CACNA2D3: variants seen among roughly 807,000 people sequenced by gnomAD.
CACNA2D3 encodes calcium voltage-gated channel auxiliary subunit alpha2delta 3.
Under a neutral mutation model 160.6 loss-of-function variants are expected in CACNA2D3, and 60 were observed. The observed-to-expected ratio is 0.37, with a 90% CI of 0.30 to 0.46. The LOEUF (loss-of-function observed/expected upper bound fraction) is 0.46, where lower values mean the gene tolerates loss of function less well. CACNA2D3 is among the 20% of genes least tolerant of loss of function. The pLI, the probability that CACNA2D3 is intolerant of heterozygous loss-of-function variation, is 1.00. For synonymous variants in CACNA2D3, 558 were observed against 492.9 expected (o/e 1.13, Z -1.75); for missense variants, 1,205 against 1,365.0 (o/e 0.88, Z 1.85).
At chr3:54,614,151 C>T (rs1214067641) in intron 9 of CACNA2D3, among the ~76,000 whole-genome samples, 1 of 152,104 alleles carries the variant, frequency 6.6e-6, no homozygotes, top group Non-Finnish European at 1.5e-5. Context: ...AAAATGTGTA[C>T]CATGAGGAAA....
intron 11 of CACNA2D3, among the ~76,000 whole-genome samples, chr3:54,685,604 A>T (rs1394562580): frequency 1.3e-5 from 2 of 152,214 alleles, no homozygotes; most frequent in Non-Finnish European, 2.9e-5. Context: ...GTTGCTCTTG[A>T]CTAGCAATGT....
At chr3:54,386,047 A>G in intron 3 of CACNA2D3, 1 of 460,060 alleles carries the variant, frequency 2.2e-6, no homozygotes, top group Admixed American at 2.5e-5. Flanking sequence ...TGAAGGCATT[A>G]TGAAATGGGT....
At chr3:54,879,305 C>A in intron 19 of CACNA2D3, 45 bp from the exon 20 acceptor site, 5 of 1,450,966 alleles carry the variant, frequency 3.4e-6, no homozygotes, top group Non-Finnish European at 4.8e-6. Context: ...AGCAGACTAA[C>A]CATGTTTTCT....
At chr3:54,139,715 A>T (rs1331415718) in intron 2 of CACNA2D3, among the ~76,000 whole-genome samples, 1 of 152,226 alleles carries the variant, frequency 6.6e-6, no homozygotes, top group Admixed American at 6.5e-5. Context: ...ACTTAATAAC[A>T]TGCCTGACTA....
intron 19 of CACNA2D3, 57 bp from the exon 20 acceptor site, chr3:54,879,293 T>G (rs1335585862): frequency 3.7e-6 from 5 of 1,336,852 alleles, no homozygotes; most frequent in Non-Finnish European, 5.3e-6. Context: ...AAGACGTCAC[T>G]TAGCAGACTA....
intron 10 of CACNA2D3, chr3:54,637,727 T>C (rs574899921): frequency 6.6e-6 from 1 of 152,178 alleles, no homozygotes; most frequent in South Asian, 2.1e-4. Context: ...GCGGGGCTTC[T>C]GAGGCGATCA....
chr3:54,705,141 A>C (rs1040127561), intron 11 of CACNA2D3, among the ~76,000 whole-genome samples: 3 of 152,206 alleles, frequency 2.0e-5, no homozygotes, highest in African/African-American at 7.2e-5. Context: ...AAATATTTCA[A>C]ATGTACTGAA....
At chr3:54,653,218 C>T (rs779403405) in intron 11 of CACNA2D3, among the ~76,000 whole-genome samples, 7 of 152,172 alleles carry the variant, frequency 4.6e-5, no homozygotes, top group Non-Finnish European at 5.9e-5. Flanking sequence ...CTCATCACAC[C>T]TGATTAAAAA....
intron 2 of CACNA2D3, among the ~76,000 whole-genome samples, chr3:54,309,596 C>T (rs1438626792): frequency 6.6e-6 from 1 of 152,092 alleles, no homozygotes; most frequent in Non-Finnish European, 1.5e-5. Flanking sequence ...TTTAGTCAGG[C>T]ACTCTAAAAC....
intron 3 of CACNA2D3, among the ~76,000 whole-genome samples, chr3:54,368,693 C>CT (rs33976949): frequency 0.15 from 10,424 of 71,312 alleles, 3,291 homozygotes; most frequent in Non-Finnish European, 0.2. Context: ...GGGTAGGGTT[C>CT]TTTTTTTTTT....
chr3:54,415,160 A>G (rs1274203359), intron 4 of CACNA2D3, among the ~76,000 whole-genome samples: 1 of 152,110 alleles, frequency 6.6e-6, no homozygotes, highest in African/African-American at 2.4e-5. Context: ...TGTTTCTTTC[A>G]TTAAGATGGC....
At chr3:54,461,212 A>T (rs912302259) in intron 4 of CACNA2D3, among the ~76,000 whole-genome samples, 6 of 152,062 alleles carry the variant, frequency 3.9e-5, no homozygotes, top group African/African-American at 1.5e-4. Flanking sequence ...ATCAATGTTC[A>T]TCAAGGATAT....
intron 2 of CACNA2D3, among the ~76,000 whole-genome samples, chr3:54,310,990 C>G (rs1271233603): frequency 6.6e-6 from 1 of 152,174 alleles, no homozygotes; most frequent in Non-Finnish European, 1.5e-5. Flanking sequence ...GGCACCATGA[C>G]AAACTTGAAG....
chr3:54,268,591 G>C (rs973748897), intron 2 of CACNA2D3, among the ~76,000 whole-genome samples: 1 of 152,108 alleles, frequency 6.6e-6, no homozygotes, highest in Non-Finnish European at 1.5e-5. Flanking sequence ...TATATTTTTA[G>C]TAGAGATGGG....
chr3:54,614,483 G>A (rs1419571613), intron 9 of CACNA2D3, among the ~76,000 whole-genome samples: 1 of 152,134 alleles, frequency 6.6e-6, no homozygotes, highest in Non-Finnish European at 1.5e-5. Context: ...CAGGTTTTTG[G>A]AGTAATGTTT....
chr3:54,150,531 C>T (rs1222455173), intron 2 of CACNA2D3, among the ~76,000 whole-genome samples: 2 of 152,186 alleles, frequency 1.3e-5, no homozygotes, highest in Non-Finnish European at 2.9e-5. Flanking sequence ...TGGGAACATA[C>T]TGGTATCTCT....
At chr3:54,240,982 C>T (rs1701964298) in intron 2 of CACNA2D3, among the ~76,000 whole-genome samples, 1 of 152,078 alleles carries the variant, frequency 6.6e-6, no homozygotes, top group African/African-American at 2.4e-5. Flanking sequence ...CTCAAGTGAT[C>T]CACTCACCTC....
intron 2 of CACNA2D3, among the ~76,000 whole-genome samples, chr3:54,310,864 C>A (rs1263590502): frequency 5.3e-5 from 8 of 152,174 alleles, no homozygotes; most frequent in Admixed American, 1.3e-4. Context: ...TGGTCTCATC[C>A]ACCTTACTGT....
At chr3:54,674,242 C>T (rs1300854857) in intron 11 of CACNA2D3, among the ~76,000 whole-genome samples, 1 of 152,152 alleles carries the variant, frequency 6.6e-6, no homozygotes. Flanking sequence ...CTTTATTCTG[C>T]TGATGATACA....
Sources: allele counts gnomAD v4.1 joint callset (sites outside exome capture counted in the v4.1 genomes callset), GRCh38; gene constraint gnomAD v4.1.1; transcripts MANE v1.5; gene names NCBI Gene and HGNC (gene_info 2026-07-23, HGNC 2026-07-21).